Variants in ERI3 observed in about 807,000 individuals in gnomAD.
ERI3 encodes the protein ERI1 exoribonuclease 3.
A neutral mutation model predicts 44.4 loss-of-function variants in ERI3; 18 were observed. That is an observed-to-expected ratio of 0.41 (90% CI 0.28 to 0.60). The LOEUF is 0.60. Among genes scored for constraint, ERI3 ranks in the 20% least tolerant of loss-of-function variants. The probability of loss-of-function intolerance (pLI) is 0.36; values close to 1 mark genes in which losing one functional copy is unlikely to be tolerated. For synonymous variants in ERI3, 183 were observed against 164.8 expected, an observed-to-expected ratio of 1.11 and a Z score of -0.84; for missense variants, 294 against 435.5, an observed-to-expected ratio of 0.68 and a Z score of 2.89.
chr1:44,273,422 T>C (rs1645124882), intron 7 of ERI3, among the ~76,000 whole-genome samples: 1 of 152,238 alleles, frequency 6.6e-6, no homozygotes, highest in Non-Finnish European at 1.5e-5. Context: ...CTATGTGCCT[T>C]TAGGCAAGTT....
At chr1:44,354,775 T>C in intron 1 of ERI3, 117 bp downstream of exon 1, 1 of 1,266,312 alleles carries the variant, frequency 7.9e-7, no homozygotes, top group Admixed American at 3.9e-5. Context: ...TAAGTAAGCA[T>C]CCAGGGTAAG....
chr1:44,284,310 T>C (rs528109711), intron 7 of ERI3, among the ~76,000 whole-genome samples: 11 of 152,172 alleles, frequency 7.2e-5, no homozygotes, highest in African/African-American at 2.7e-4. Flanking sequence ...CCAAAGGGAA[T>C]TGGACTCTAG....
intron 7 of ERI3, among the ~76,000 whole-genome samples, chr1:44,258,406 C>T (rs1242958044): frequency 6.6e-6 from 1 of 152,202 alleles, no homozygotes; most frequent in Non-Finnish European, 1.5e-5. Context: ...ACACAGCATA[C>T]ACGCCTTCAC....
At chr1:44,239,667 G>A (rs1264353938) in intron 8 of ERI3, among the ~76,000 whole-genome samples, 2 of 152,190 alleles carry the variant, frequency 1.3e-5, no homozygotes, top group African/African-American at 2.4e-5. Context: ...TGGGGGCCTG[G>A]GGTGCCCCCT....
At chr1:44,238,696 A>G (rs1196979851) in intron 8 of ERI3, among the ~76,000 whole-genome samples, 1 of 151,988 alleles carries the variant, frequency 6.6e-6, no homozygotes, top group East Asian at 1.9e-4. Flanking sequence ...AGATGGGCCC[A>G]TGGAAGGGAT....
chr1:44,342,519 C>G lies in ERI3; in HGVS notation c.212-3197G>C, dbSNP rs76335063. ...TCATGGTTTCTGATTAGATGTGTAT[C>G]AGATAGATAGATGGATACACACACA... On this transcript the variant is annotated intron_variant, in intron 2 of 8. Coordinates refer to ENST00000372257, the MANE Select transcript of ERI3 (RefSeq NM_024066.3). Among the ~76,000 whole-genome samples the G allele has an allele frequency of 6.2e-3, 937 of 151,414 alleles. 6 individuals are homozygous for G. The highest frequency in any genetic ancestry group is 0.021 in the African/African-American group (863 of 41,342).
In ERI3 at chr1:44,252,426, T is replaced by G. The variant is rs1644700204; in HGVS notation, c.832-4388A>C. On this transcript the variant is annotated intron_variant, in intron 7 of 8. Coordinates refer to ENST00000372257, the MANE Select transcript of ERI3 (RefSeq NM_024066.3). The surrounding 1 kb of genome is among the most constrained non-coding windows in gnomAD (Gnocchi z 4.7). ...CTGCGACGGGCCTGCCGCATAGCCC[T>G]GCTGTAGGTGCGGCGGGTGGCCCCC... Among the ~76,000 whole-genome samples, 1 of 152,248 alleles carries G rather than the reference T, an allele frequency of 6.6e-6. No homozygotes were observed. The highest frequency in any genetic ancestry group is 1.5e-5 in the Non-Finnish European group (1 of 68,036).
At chr1:44,254,125 T>G (rs1380013441) in intron 7 of ERI3, among the ~76,000 whole-genome samples, 1 of 152,158 alleles carries the variant, frequency 6.6e-6, no homozygotes, top group Non-Finnish European at 1.5e-5. Context: ...GGGACTTCAT[T>G]CCAAATCATC....
At chr1:44,271,351 G>A (rs1409162251) in intron 7 of ERI3, among the ~76,000 whole-genome samples, 1 of 152,134 alleles carries the variant, frequency 6.6e-6, no homozygotes, top group African/African-American at 2.4e-5. Context: ...CCTTTGCCTG[G>A]ATGCACTTGC....
At chr1:44,286,187 A>C (rs780338116) in intron 6 of ERI3, among the ~76,000 whole-genome samples, 13 of 152,182 alleles carry the variant, frequency 8.5e-5, no homozygotes, top group Non-Finnish European at 1.8e-4. Context: ...GGTCAATTTT[A>C]TTATTGTTTT....
In ERI3 at chr1:44,252,534, G is replaced by A. The variant is rs893394199; in HGVS notation, c.832-4496C>T. Among the ~76,000 whole-genome samples the A allele has an allele frequency of 2.0e-5, 3 of 152,184 alleles. No homozygotes were observed. The highest frequency in any genetic ancestry group is 6.5e-5 in the Admixed American group (1 of 15,278). On this transcript the variant is annotated intron_variant, in intron 7 of 8. Coordinates refer to ENST00000372257, the MANE Select transcript of ERI3 (RefSeq NM_024066.3). The surrounding 1 kb of genome is among the most constrained non-coding windows in gnomAD (Gnocchi z 4.7). ...CTGCTATTACATGCAAACACTGATC[G>A]CCCTGTGAAATTACATTGCTGGGCC...
At chr1:44,316,198 C>G (rs1404564318) in intron 4 of ERI3, among the ~76,000 whole-genome samples, 1 of 152,158 alleles carries the variant, frequency 6.6e-6, no homozygotes, top group East Asian at 1.9e-4. Context: ...AAAGCTTTCA[C>G]TCCTTACAAT....
intron 7 of ERI3, 148 bp downstream of exon 7, chr1:44,284,687 A>C: frequency 5.2e-4 from 299 of 575,416 alleles, no homozygotes; most frequent in Non-Finnish European, 5.6e-4. Context: ...TTCAGTGCAT[A>C]TTAGCTAAGG....
At chr1:44,269,479 C>T (rs1645049826) in intron 7 of ERI3, among the ~76,000 whole-genome samples, 1 of 152,212 alleles carries the variant, frequency 6.6e-6, no homozygotes, top group Non-Finnish European at 1.5e-5. Flanking sequence ...GGCCCGTGCA[C>T]ACATAAGAAT....
chr1:44,340,055 G>A (rs1020378048), intron 2 of ERI3, among the ~76,000 whole-genome samples: 1 of 151,868 alleles, frequency 6.6e-6, no homozygotes, highest in Non-Finnish European at 1.5e-5. Context: ...AATGACTGCG[G>A]GACTTTTTAA....
chr1:44,280,754 C>T (rs1336473535), intron 7 of ERI3, among the ~76,000 whole-genome samples: 3 of 152,220 alleles, frequency 2.0e-5, no homozygotes, highest in Non-Finnish European at 4.4e-5. Context: ...TGATGCCCCT[C>T]TTATATTTAA....
intron 6 of ERI3, among the ~76,000 whole-genome samples, chr1:44,307,794 G>A (rs922200958): frequency 2.6e-5 from 4 of 152,182 alleles, no homozygotes; most frequent in Non-Finnish European, 4.4e-5. Context: ...AGATAAAGGG[G>A]CAGCATAGTA....
In ERI3 at chr1:44,342,673, G is replaced by T. The variant is rs13374731; in HGVS notation, c.212-3351C>A. On this transcript the variant is annotated intron_variant, in intron 2 of 8. Coordinates refer to ENST00000372257, the MANE Select transcript of ERI3 (RefSeq NM_024066.3). Reference sequence around the variant, plus strand: ...TTCTTGTTTTTTTTTTGAAGACAGGGTCTTGCTCTGTTGCCCAGGCTGCAG... The same window carrying T: ...TTCTTGTTTTTTTTTTGAAGACAGGTTCTTGCTCTGTTGCCCAGGCTGCAG... 1.7e-3 allele frequency among the ~76,000 whole-genome samples: 252 copies of T among 149,668 alleles called. 1 individual carries two copies. Among genetic ancestry groups the T allele is most frequent in the African/African-American group, 6.0e-3 (243 of 40,828 alleles).
chr1:44,294,098 A>G (rs2154324981), intron 6 of ERI3, among the ~76,000 whole-genome samples: 1 of 152,346 alleles, frequency 6.6e-6, no homozygotes, highest in Non-Finnish European at 1.5e-5. Context: ...GGGGCAAATG[A>G]CATTTAATTT....
Sources: allele counts gnomAD v4.1 joint callset (sites outside exome capture counted in the v4.1 genomes callset), GRCh38; gene constraint gnomAD v4.1.1; non-coding constraint Gnocchi (gnomAD v3.1); transcripts MANE v1.5; gene names NCBI Gene and HGNC (gene_info 2026-07-23, HGNC 2026-07-21).